Variants in CAGE1 observed in about 807,000 individuals in gnomAD.
CAGE1 encodes cancer-associated gene 1 protein.
CAGE1 carries 66 observed loss-of-function variants against 94.9 expected under a neutral mutation model. The observed-to-expected ratio is 0.70, with a 90% CI of 0.57 to 0.85. CAGE1 has a LOEUF of 0.85. Ranked by LOEUF, CAGE1 falls within the 40% of genes least tolerant of loss-of-function variation. The probability of loss-of-function intolerance (pLI) is 0.00; values close to 1 mark genes in which losing one functional copy is unlikely to be tolerated. For missense variants in CAGE1, 865 were observed against 950.4 expected (o/e 0.91, Z 1.18); for synonymous variants, 319 against 321.0 (o/e 0.99, Z 0.07).
chr6:7,327,741 A>T (rs915681442), intron 13 of CAGE1, among the ~76,000 whole-genome samples: 26 of 151,734 alleles, frequency 1.7e-4, no homozygotes, highest in Non-Finnish European at 8.8e-5. Context: ...GACCAGCCTG[A>T]CCAACATGGA....
At chr6:7,344,202 G>A (rs1215214422) in intron 11 of CAGE1, among the ~76,000 whole-genome samples, 1 of 152,212 alleles carries the variant, frequency 6.6e-6, no homozygotes, top group Admixed American at 6.5e-5. Flanking sequence ...CCCTCAGCTT[G>A]CAGGGAGGTG....
At chr6:7,363,303 A>T (rs550768357) in intron 9 of CAGE1, among the ~76,000 whole-genome samples, 1 of 152,226 alleles carries the variant, frequency 6.6e-6, no homozygotes, top group African/African-American at 2.4e-5. Context: ...ACTAACAGAT[A>T]AGGGCTTTTA....
At chr6:7,331,643 C>T (rs576733839) in intron 12 of CAGE1, 48 of 241,056 alleles carry the variant, frequency 2.0e-4, no homozygotes, top group African/African-American at 9.9e-4. Context: ...AACTTCAGAG[C>T]GGGGGTGCAG....
chr6:7,373,047 T>G, intron 5 of CAGE1, 26 bp downstream of exon 5: 1 of 1,498,414 alleles, frequency 6.7e-7, no homozygotes, highest in Non-Finnish European at 9.1e-7. Context: ...AATTCCGCAT[T>G]AGAGATTTAG....
intron 9 of CAGE1, among the ~76,000 whole-genome samples, chr6:7,364,127 G>C (rs1477392880): frequency 2.0e-5 from 3 of 152,144 alleles, no homozygotes; most frequent in Non-Finnish European, 4.4e-5. Context: ...CTGAAGCATA[G>C]GTACTGCTAA....
At chr6:7,370,462 T>G (rs1760501172) in intron 5 of CAGE1, among the ~76,000 whole-genome samples, 2 of 152,062 alleles carry the variant, frequency 1.3e-5, no homozygotes, top group Non-Finnish European at 2.9e-5. Context: ...CTCGGCTAAT[T>G]TTTCAAATTT....
intron 11 of CAGE1, among the ~76,000 whole-genome samples, chr6:7,346,336 A>AT (rs1253021275): frequency 6.6e-6 from 1 of 151,732 alleles, no homozygotes; most frequent in Non-Finnish European, 1.5e-5. Context: ...GGTAGGACTG[A>AT]TTGAGTCCAG....
intron 3 of CAGE1, among the ~76,000 whole-genome samples, chr6:7,384,995 G>C (rs1193836611): frequency 1.3e-5 from 2 of 151,518 alleles, no homozygotes; most frequent in Non-Finnish European, 2.9e-5. Flanking sequence ...ACTGTACCTG[G>C]TGTTTTTTGT....
chr6:7,339,099 A>C lies in CAGE1; in HGVS notation c.2370-5009T>G, dbSNP rs192059468. 8.8e-6 allele frequency: 14 copies of C among 1,591,672 alleles called. No homozygotes were observed. Among genetic ancestry groups the C allele is most frequent in the Non-Finnish European group, 1.1e-5 (13 of 1,160,400 alleles). On this transcript the variant is annotated intron_variant, in intron 11 of 13. Coordinates refer to ENST00000502583, the MANE Select transcript of CAGE1 (RefSeq NM_001170692.2). This position sits in a 1 kb window ranked among gnomAD's most constrained non-coding sequence, Gnocchi z 4.7. ...GTTAACAGGGTCTCTGCTGTGGATC[A>C]TCAGGCCGTCCACAAACTTCATGGA...
Position 7,345,641 on chromosome 6 carries a change from T to C in CAGE1, c.2369+9400A>G, listed in dbSNP as rs1324784809. ...CGTCTAAGGCCTGTGAACGGAAAAA[T>C]TACAGGCCCGGCGCAGTGGCTCATG... On this transcript the variant is annotated intron_variant, in intron 11 of 13. Coordinates refer to ENST00000502583, the MANE Select transcript of CAGE1 (RefSeq NM_001170692.2). Among the ~76,000 whole-genome samples, 5 of 152,048 alleles carry C rather than the reference T, an allele frequency of 3.3e-5. No homozygotes were observed. The South Asian group carries it at 1.0e-3, about 31-fold the overall frequency.
chr6:7,343,726 C>T (rs1053641446), intron 11 of CAGE1, among the ~76,000 whole-genome samples: 2 of 152,072 alleles, frequency 1.3e-5, no homozygotes, highest in Non-Finnish European at 2.9e-5. Context: ...GATCAGGGAT[C>T]ATATAATGGG....
chr6:7,375,535 G>C (rs2113457395), intron 4 of CAGE1, among the ~76,000 whole-genome samples: 1 of 152,272 alleles, frequency 6.6e-6, no homozygotes, highest in East Asian at 1.9e-4. Context: ...CCAGGAGTTG[G>C]AGACCAGTTT....
chr6:7,334,070 T>C lies in CAGE1; in HGVS notation c.2390A>G (p.His797Arg), dbSNP rs1440179064. The C allele has an allele frequency of 3.9e-6, 6 of 1,536,918 alleles. No homozygotes were observed. The highest frequency in any genetic ancestry group is 3.5e-6 in the Non-Finnish European group (4 of 1,135,194). Residue 797 changes from histidine (H) to arginine (R), a missense_variant, in exon 12 of 14, where the codon CAT becomes CGT. Physicochemically the swap from His to Arg is conservative, Grantham distance 29. Coordinates refer to ENST00000502583, the MANE Select transcript of CAGE1 (RefSeq NM_001170692.2). ...QIAHLEERNK[H>R]LEDLIRKPRE... is the part of the protein sequence containing the mutation. ...GGGCTTTCTAATTAAATCCTCTAAATGTTTATTTCTCTCTTCCAAACTGAA... is the reference window on the plus strand; with the variant it reads ...GGGCTTTCTAATTAAATCCTCTAAACGTTTATTTCTCTCTTCCAAACTGAA...
chr6:7,351,585 A>C (rs1465136650), intron 11 of CAGE1, among the ~76,000 whole-genome samples: 1 of 149,038 alleles, frequency 6.7e-6, no homozygotes. Context: ...AAAAAAAAAA[A>C]AACTACAGAC....
rs574460085 is a variant in CAGE1 at position 7,343,198 on chromosome 6, A to AAAAAAAAGAAAAG, written c.2370-9109_2370-9108insCTTTTCTTTTTTT. ...TGCGAGACTCTGTCCCACAAAAAAA[A>AAAAAAAAGAAAAG]AAAAGAAAAGAAAAGAAAAGAAAAA... is the stretch of plus-strand genomic sequence containing the variant. On this transcript the variant is annotated intron_variant, in intron 11 of 13. Coordinates refer to ENST00000502583, the MANE Select transcript of CAGE1 (RefSeq NM_001170692.2). Among the ~76,000 whole-genome samples the AAAAAAAAGAAAAG allele has an allele frequency of 2.4e-4, 33 of 137,356 alleles. 1 individual carries two copies. The highest frequency in any genetic ancestry group is 5.9e-4 in the African/African-American group (21 of 35,388). The allele number at this position is 137,356 out of a possible 152,430, so 90.1% of individuals were successfully genotyped here.
rs183769713 is a variant in CAGE1, at chr6:7,349,413, C to G, written c.2369+5628G>C. Among the ~76,000 whole-genome samples, 209 of 152,166 alleles carry G rather than the reference C, an allele frequency of 1.4e-3. 1 individual carries two copies. The highest frequency in any genetic ancestry group is 4.7e-3 in the African/African-American group (197 of 41,514). ...ACTACAAGAACTGCTAAAAGGAGCT[C>G]TAAATCTTGAAACAAATCCTGGAAA... is the stretch of plus-strand genomic sequence containing the variant. On this transcript the variant is annotated intron_variant, in intron 11 of 13. Transcript: ENST00000502583.
chr6:7,370,214 CTG>C, intron 5 of CAGE1, 149 bp from the exon 6 acceptor site: 2 of 520,666 alleles, frequency 3.8e-6, no homozygotes, highest in South Asian at 3.6e-5. Context: ...GAAATTAAAA[CTG>C]AGAATATTTT....
chr6:7,339,470 G>A lies in CAGE1; in HGVS notation c.2370-5380C>T. ...TAACTCGCATCTCAACTCCAGAGTA[G>A]CCATCTTCAGCCAGCTCCTGAGTAA... is the stretch of plus-strand genomic sequence containing the variant. On this transcript the variant is annotated intron_variant, in intron 11 of 13. Coordinates refer to ENST00000502583, the MANE Select transcript of CAGE1 (RefSeq NM_001170692.2). The surrounding 1 kb of genome is among the most constrained non-coding windows in gnomAD (Gnocchi z 4.7). 4 of 942,178 alleles carry A rather than the reference G, an allele frequency of 4.2e-6. No individual in the cohort carries two copies. The South Asian group carries it at 5.2e-5, about 12-fold the overall frequency. 58.4% of individuals were successfully genotyped at this position (942,178 alleles called of 1,614,324 possible).
intron 7 of CAGE1, among the ~76,000 whole-genome samples, chr6:7,366,202 C>T (rs1254910518): frequency 2.0e-5 from 3 of 148,204 alleles, no homozygotes; most frequent in Non-Finnish European, 3.0e-5. Context: ...GCCGAGATGG[C>T]GCCATTGCAC....
Sources: gnomAD v4.1 joint callset for allele counts (sites outside exome capture counted in the v4.1 genomes callset) on GRCh38, gnomAD v4.1.1 for gene constraint, Gnocchi (gnomAD v3.1) non-coding constraint, MANE v1.5 for transcripts, NCBI Gene and HGNC (gene_info 2026-07-23, HGNC 2026-07-21) for gene names.